The following PPP1R12B variants were observed in gnomAD, a reference collection of about 807,000 sequenced individuals.
PPP1R12B encodes the protein protein phosphatase 1 regulatory subunit 12B, also known as myosin phosphatase target subunit 2.
In PPP1R12B, 76 loss-of-function variants were observed where a neutral mutation model predicts 126.1. That is an observed-to-expected ratio of 0.60 (90% CI 0.50 to 0.73). The LOEUF is 0.73. Among genes scored for constraint, PPP1R12B ranks in the 30% least tolerant of loss-of-function variants. The pLI is 0.00. For missense variants in PPP1R12B, 1,052 were observed against 1,205.1 expected, an observed-to-expected ratio of 0.87 and a Z score of 1.88; for synonymous variants, 356 against 434.7, an observed-to-expected ratio of 0.82 and a Z score of 2.25.
intron 1 of PPP1R12B, among the ~76,000 whole-genome samples, chr1:202,362,607 C>T (rs1558130512): frequency 4.0e-5 from 6 of 149,344 alleles, no homozygotes; most frequent in Admixed American, 2.0e-4. Context: ...TGCTTCAGCT[C>T]TGTGTGTGCT....
chr1:202,386,560 C>A (rs551341053), intron 1 of PPP1R12B, among the ~76,000 whole-genome samples: 33 of 152,080 alleles, frequency 2.2e-4, no homozygotes, highest in Non-Finnish European at 4.4e-5. Context: ...ACCTCGTGAT[C>A]CACCTGCCTC....
chr1:202,444,569 A>G (rs1672009128), intron 12 of PPP1R12B, among the ~76,000 whole-genome samples: 1 of 151,760 alleles, frequency 6.6e-6, no homozygotes. Context: ...CTGCTCCACA[A>G]CCTCTCCAAA....
chr1:202,495,715 T>C, intron 17 of PPP1R12B, 33 bp downstream of exon 17: 1 of 1,562,280 alleles, frequency 6.4e-7, no homozygotes, highest in Non-Finnish European at 8.8e-7. Flanking sequence ...AGGCATATCA[T>C]ATTACTCTTG....
intron 1 of PPP1R12B, among the ~76,000 whole-genome samples, chr1:202,362,006 G>T (rs961564760): frequency 1.3e-5 from 2 of 151,972 alleles, no homozygotes; most frequent in Non-Finnish European, 2.9e-5. Context: ...TTCACAGTGG[G>T]ATGTATGGTT....
At chr1:202,391,503 A>G (rs1460788733) in intron 1 of PPP1R12B, among the ~76,000 whole-genome samples, 3 of 152,206 alleles carry the variant, frequency 2.0e-5, no homozygotes, top group African/African-American at 7.2e-5. Context: ...GAGTTACCAT[A>G]TGATCCAGCA....
intron 23 of PPP1R12B, chr1:202,574,791 G>GCTC (rs1462000724): frequency 2.0e-6 from 1 of 494,606 alleles, no homozygotes; most frequent in Non-Finnish European, 3.6e-6. Flanking sequence ...ATCAGACATA[G>GCTC]CTCTCCTTCC....
At chr1:202,513,463 A>C (rs889401477) in intron 18 of PPP1R12B, among the ~76,000 whole-genome samples, 2 of 152,334 alleles carry the variant, frequency 1.3e-5, no homozygotes, top group Non-Finnish European at 1.5e-5. Context: ...GCTTTTGGAC[A>C]TGCTGAGTTC....
At position 202,395,058 on chromosome 1, in the gene PPP1R12B, A is replaced by G. The variant is rs1203729188; in HGVS notation, c.292-21729A>G. 4.6e-5 allele frequency among the ~76,000 whole-genome samples: 6 copies of G among 130,018 alleles called. No individual in the cohort carries two copies. In the Admixed American group the frequency reaches 5.6e-4, roughly 12 times the overall value. 85.3% of individuals were successfully genotyped at this position (130,018 alleles called of 152,430 possible). ...CTTAGACCTGGGAGGCAGAGGTTGT[A>G]TTGAGTTGAGATGATGCCACTGCGC... On this transcript the variant is annotated intron_variant, in intron 1 of 23. Coordinates refer to ENST00000608999, the MANE Select transcript of PPP1R12B (RefSeq NM_002481.4).
intron 19 of PPP1R12B, chr1:202,562,536 A>T: frequency 1.6e-6 from 1 of 642,108 alleles, no homozygotes; most frequent in Non-Finnish European, 2.9e-6. Flanking sequence ...CCAAACCACT[A>T]ATTTTTCAAT....
rs1195669078 is a variant in PPP1R12B at position 202,444,941 on chromosome 1, T to C, written c.1667+2369T>C. The stretch of plus-strand genomic sequence containing the variant: ...CTTCCCAGTTGTCATACCCTTTCTT[T>C]GGTCTATATTCATTTCAAGTGCACA... On this transcript the variant is annotated intron_variant, in intron 12 of 23. Transcript: ENST00000608999. 3.1e-6 allele frequency: 3 copies of C among 968,370 alleles called. No homozygotes were observed. In the East Asian group the frequency reaches 9.9e-5, roughly 32 times the overall value. 60.0% of individuals were successfully genotyped at this position (968,370 alleles called of 1,614,324 possible). A position where few individuals can be genotyped will look rare whatever the true frequency, so the allele number is the denominator to read the frequency against.
At chr1:202,533,031 G>A (rs966780669) in intron 18 of PPP1R12B, among the ~76,000 whole-genome samples, 6 of 151,412 alleles carry the variant, frequency 4.0e-5, no homozygotes, top group African/African-American at 1.2e-4. Flanking sequence ...CACCACACCC[G>A]GCTAATTTTG....
chr1:202,461,396 C>A (rs1674294221), intron 13 of PPP1R12B, among the ~76,000 whole-genome samples: 1 of 152,092 alleles, frequency 6.6e-6, no homozygotes, highest in South Asian at 2.1e-4. Flanking sequence ...TTGTGAGGAT[C>A]AAATGAGACA....
intron 1 of PPP1R12B, among the ~76,000 whole-genome samples, chr1:202,370,827 C>T (rs1470719716): frequency 1.3e-5 from 2 of 151,870 alleles, no homozygotes; most frequent in Non-Finnish European, 2.9e-5. Context: ...CATCAGCCAT[C>T]GTGCCCGGCT....
chr1:202,403,067 A>C (rs1293638692), intron 1 of PPP1R12B, among the ~76,000 whole-genome samples: 3 of 152,220 alleles, frequency 2.0e-5, no homozygotes, highest in Admixed American at 2.0e-4. Context: ...GAACATCTTC[A>C]TAAAAATTTT....
intron 12 of PPP1R12B, 150 bp downstream of exon 12, chr1:202,442,722 A>T (rs1671788503): frequency 1.2e-6 from 1 of 861,172 alleles, no homozygotes; most frequent in South Asian, 2.7e-5. Flanking sequence ...CATCTTGAAT[A>T]ATTTAAAATT....
chr1:202,488,686 A>C, intron 14 of PPP1R12B, 63 bp downstream of exon 14: 2 of 1,338,452 alleles, frequency 1.5e-6, no homozygotes, highest in Non-Finnish European at 2.1e-6. Flanking sequence ...AGGTACAATC[A>C]AAACACACTG....
chr1:202,433,787 C>G (rs1244690764), intron 8 of PPP1R12B, among the ~76,000 whole-genome samples: 1 of 152,176 alleles, frequency 6.6e-6, no homozygotes, highest in Non-Finnish European at 1.5e-5. Flanking sequence ...CCTCACTGTT[C>G]TTCTACCCCA....
At chr1:202,425,833 G>A in intron 4 of PPP1R12B, 108 bp downstream of exon 4, 2 of 1,083,748 alleles carry the variant, frequency 1.8e-6, no homozygotes, top group Middle Eastern at 3.2e-4. Context: ...TTCCTTTTTT[G>A]TTGGTTTCCT....
At chr1:202,354,982 T>G (rs1197496473) in intron 1 of PPP1R12B, among the ~76,000 whole-genome samples, 1 of 152,100 alleles carries the variant, frequency 6.6e-6, no homozygotes, top group Non-Finnish European at 1.5e-5. Flanking sequence ...CCTGCCACCA[T>G]GCGCAGCTAA....
Sources: gnomAD v4.1 joint callset for allele counts (sites outside exome capture counted in the v4.1 genomes callset) on GRCh38, gnomAD v4.1.1 for gene constraint, MANE v1.5 for transcripts, NCBI Gene and HGNC (gene_info 2026-07-23, HGNC 2026-07-21) for gene names.